Variants in GAREM1 observed in about 807,000 individuals in gnomAD.
The protein encoded by GAREM1 is GRB2 associated regulator of MAPK1 subtype 1.
A neutral mutation model predicts 71.3 loss-of-function variants in GAREM1; 26 were observed. That is an observed-to-expected ratio of 0.36 (90% CI 0.27 to 0.51). The LOEUF (loss-of-function observed/expected upper bound fraction) is 0.51, where lower values mean the gene tolerates loss of function less well. Ranked by LOEUF, GAREM1 falls within the 20% of genes least tolerant of loss-of-function variation. GAREM1 has a pLI of 0.95. For synonymous variants in GAREM1, 440 were observed against 433.2 expected (o/e 1.02, Z -0.20); for missense variants, 1,026 against 1,103.1 (o/e 0.93, Z 0.99).
chr18:32,393,257 C>T (rs1441915588), intron 1 of GAREM1, among the ~76,000 whole-genome samples: 3 of 151,482 alleles, frequency 2.0e-5, no homozygotes, highest in Non-Finnish European at 2.9e-5. Flanking sequence ...AAAATGTTTC[C>T]CACTCATTTG....
rs367801943 is a variant in GAREM1, at chr18:32,377,560, GAGA to G, written c.262+15332_262+15334del. ...AACTCACCAGAACCAGGATAAAAAA[GAGA>G]AGATTATTTCTTTTTTTTGAGACGG... On this transcript the variant is annotated intron_variant, in intron 2 of 5. Coordinates refer to ENST00000269209, the MANE Select transcript of GAREM1 (RefSeq NM_001242409.2). Among the ~76,000 whole-genome samples the G allele has an allele frequency of 2.0e-3, 299 of 152,208 alleles. 1 individual carries two copies. The highest frequency in any genetic ancestry group is 6.9e-3 in the African/African-American group (286 of 41,576).
At chr18:32,369,216 C>T (rs771325823) in intron 2 of GAREM1, among the ~76,000 whole-genome samples, 20 of 152,140 alleles carry the variant, frequency 1.3e-4, no homozygotes, top group East Asian at 5.8e-4. Context: ...TTGAAAGGTG[C>T]GGAAAGGCTT....
chr18:32,364,028 G>GGTTTTTTTTTTTTTTTT (rs2047903236), intron 2 of GAREM1, among the ~76,000 whole-genome samples: 4 of 21,670 alleles, frequency 1.8e-4, no homozygotes, highest in Non-Finnish European at 3.2e-4. Flanking sequence ...ATATATATAT[G>GGTTTTTTTTTTTTTTTT]TTTTTTTTTT....
intron 1 of GAREM1, among the ~76,000 whole-genome samples, chr18:32,457,218 AGAGAGAGAGTGTGT>A (rs1258763745): frequency 2.7e-5 from 3 of 111,622 alleles, no homozygotes; most frequent in African/African-American, 1.1e-4. Context: ...AGAGAGAGAG[AGAGAGAGAGTGTGT>A]GTGTGTGTGT....
intron 1 of GAREM1, among the ~76,000 whole-genome samples, chr18:32,427,493 G>A (rs565443429): frequency 1.3e-5 from 2 of 152,272 alleles, no homozygotes; most frequent in African/African-American, 4.8e-5. Flanking sequence ...TGAAATGATT[G>A]CAATGGTGAT....
At chr18:32,336,375 A>G (rs2047594906) in intron 2 of GAREM1, among the ~76,000 whole-genome samples, 1 of 149,642 alleles carries the variant, frequency 6.7e-6, no homozygotes, top group Non-Finnish European at 1.5e-5. Flanking sequence ...GCTTGCAGTG[A>G]GCGAAGATCG....
intron 2 of GAREM1, among the ~76,000 whole-genome samples, chr18:32,375,790 C>A (rs565193017): frequency 2.6e-5 from 4 of 151,058 alleles, no homozygotes; most frequent in Non-Finnish European, 4.4e-5. Flanking sequence ...GGAATATAAT[C>A]GATTTGCTCA....
chr18:32,272,601 G>C (rs754045682), intron 4 of GAREM1, among the ~76,000 whole-genome samples: 4 of 151,988 alleles, frequency 2.6e-5, no homozygotes, highest in Non-Finnish European at 5.9e-5. Context: ...GCTGGCCCAG[G>C]AAAGACCCTT....
At chr18:32,455,247 T>G (rs577204122) in intron 1 of GAREM1, among the ~76,000 whole-genome samples, 1 of 152,178 alleles carries the variant, frequency 6.6e-6, no homozygotes, top group South Asian at 2.1e-4. Context: ...TCTTTGCATG[T>G]GAGATTAAGA....
chr18:32,327,653 G>C (rs60949633), intron 2 of GAREM1, among the ~76,000 whole-genome samples: 8,685 of 152,270 alleles, frequency 0.057, 251 homozygotes, highest in South Asian at 0.066. Context: ...TTAAATACAT[G>C]AAGTTGGGTT....
At chr18:32,280,507 T>C (rs935336575) in intron 4 of GAREM1, among the ~76,000 whole-genome samples, 2 of 152,218 alleles carry the variant, frequency 1.3e-5, no homozygotes, top group Non-Finnish European at 2.9e-5. Flanking sequence ...TAGAGCCTCA[T>C]GTGGCTTTTT....
intron 3 of GAREM1, among the ~76,000 whole-genome samples, chr18:32,302,379 T>G (rs1157983071): frequency 6.6e-6 from 1 of 152,248 alleles, no homozygotes; most frequent in East Asian, 1.9e-4. Context: ...GGATAATTTA[T>G]AGCATTTTAT....
chr18:32,330,010 T>C (rs1310758392), intron 2 of GAREM1, among the ~76,000 whole-genome samples: 1 of 152,094 alleles, frequency 6.6e-6, no homozygotes, highest in African/African-American at 2.4e-5. Flanking sequence ...AAATAGATTT[T>C]TGACAAAAAG....
intron 4 of GAREM1, among the ~76,000 whole-genome samples, chr18:32,284,606 T>G (rs930467070): frequency 3.3e-5 from 5 of 152,164 alleles, no homozygotes; most frequent in Non-Finnish European, 5.9e-5. Context: ...GTGTGCCAGG[T>G]AGGACCTAAG....
intron 3 of GAREM1, among the ~76,000 whole-genome samples, chr18:32,305,717 G>A (rs584111): frequency 0.083 from 12,695 of 152,106 alleles, 607 homozygotes; most frequent in South Asian, 0.12. Flanking sequence ...ACGGGGTTTC[G>A]CCACATTGGC....
At chr18:32,438,345 G>A (rs931418985) in intron 1 of GAREM1, among the ~76,000 whole-genome samples, 3 of 152,208 alleles carry the variant, frequency 2.0e-5, no homozygotes, top group African/African-American at 7.2e-5. Flanking sequence ...GTCGTGCTAA[G>A]CCCTCACACT....
At chr18:32,313,342 C>A (rs2047343139) in intron 2 of GAREM1, among the ~76,000 whole-genome samples, 1 of 151,984 alleles carries the variant, frequency 6.6e-6, no homozygotes, top group South Asian at 2.1e-4. Context: ...GAGTTTTGAA[C>A]CCTAGAGGGA....
intron 1 of GAREM1, among the ~76,000 whole-genome samples, chr18:32,467,746 A>G (rs535342917): frequency 6.6e-6 from 1 of 152,196 alleles, no homozygotes; most frequent in Non-Finnish European, 1.5e-5. Flanking sequence ...AAAAATGACT[A>G]TCTTTCATGT....
In GAREM1 at chr18:32,438,490, C is replaced by T. The variant is rs62093966; in HGVS notation, c.121+31818G>A. On this transcript the variant is annotated intron_variant, in intron 1 of 5. Transcript: ENST00000269209. ...ACTGTTCCCCTTGGGAGGCTGTGAT[C>T]CACAGGAACTAACTGCTGCTGAGGA... Among the ~76,000 whole-genome samples, 1,521 of 152,288 alleles carry T rather than the reference C, an allele frequency of 1.0e-2. 14 individuals carry two copies. The highest frequency in any genetic ancestry group is 0.014 in the Non-Finnish European group (927 of 68,016).
Sources: allele counts gnomAD v4.1 joint callset (sites outside exome capture counted in the v4.1 genomes callset), GRCh38; gene constraint gnomAD v4.1.1; transcripts MANE v1.5; gene names NCBI Gene and HGNC (gene_info 2026-07-23, HGNC 2026-07-21).